The following DLC1 variants were observed in gnomAD, a reference collection of about 807,000 sequenced individuals.
DLC1 encodes DLC1 Rho GTPase activating protein.
In DLC1, 54 loss-of-function variants were observed where a neutral mutation model predicts 140.3. That is an observed-to-expected ratio of 0.38 (90% CI 0.31 to 0.48). DLC1 has a LOEUF of 0.48. Ranked by LOEUF, DLC1 falls within the 20% of genes least tolerant of loss-of-function variation. DLC1 has a pLI of 0.96. For missense variants in DLC1, 2,536 were observed against 1,907.0 expected (o/e 1.33, Z -6.14); for synonymous variants, 986 against 728.1 (o/e 1.35, Z -5.70).
chr8:13,112,499 A>T (rs1820199512), intron 6 of DLC1, among the ~76,000 whole-genome samples: 1 of 152,230 alleles, frequency 6.6e-6, no homozygotes, highest in Non-Finnish European at 1.5e-5. Flanking sequence ...TATAGTCCAG[A>T]GATTTATGAA....
At chr8:13,429,120 A>T (rs983891904) in intron 2 of DLC1, among the ~76,000 whole-genome samples, 2 of 152,196 alleles carry the variant, frequency 1.3e-5, no homozygotes, top group African/African-American at 4.8e-5. Context: ...TAAAATCTAC[A>T]TTCCTCAATG....
chr8:13,312,585 T>A (rs1378003921), intron 4 of DLC1, among the ~76,000 whole-genome samples: 3 of 151,968 alleles, frequency 2.0e-5, no homozygotes, highest in Non-Finnish European at 4.4e-5. Context: ...TAATAAATCA[T>A]GTCTTTCTCT....
At chr8:13,293,096 G>C (rs1472680200) in intron 5 of DLC1, among the ~76,000 whole-genome samples, 2 of 152,276 alleles carry the variant, frequency 1.3e-5, no homozygotes, top group South Asian at 4.1e-4. Context: ...TGGTCATGGT[G>C]GTGCATGCGT....
chr8:13,389,975 A>T (rs11989572), intron 4 of DLC1, among the ~76,000 whole-genome samples: 3,461 of 152,288 alleles, frequency 0.023, 120 homozygotes, highest in African/African-American at 0.078. Context: ...TAAAAAGAAC[A>T]GCTCTGTAGG....
intron 1 of DLC1, among the ~76,000 whole-genome samples, chr8:13,534,753 G>A (rs901466056): frequency 6.6e-6 from 1 of 152,144 alleles, no homozygotes; most frequent in Non-Finnish European, 1.5e-5. Context: ...TGAATCCACA[G>A]GACTGACACC....
At chr8:13,251,881 G>A (rs1830022962) in intron 5 of DLC1, among the ~76,000 whole-genome samples, 1 of 152,076 alleles carries the variant, frequency 6.6e-6, no homozygotes, top group African/African-American at 2.4e-5. Flanking sequence ...TGGGTCCAAA[G>A]TATTGAAACA....
chr8:13,572,107 T>TTC (rs397837978), intron 1 of DLC1, among the ~76,000 whole-genome samples: 62 of 150,410 alleles, frequency 4.1e-4, no homozygotes, highest in Middle Eastern at 6.8e-3. Context: ...TTTTTTTTTT[T>TTC]GAGATGGAGT....
rs1309439638 is a variant in DLC1, at chr8:13,303,542, C to T, written c.1348+1727G>A. ...ATATTTTCATGCCAGGTGCTCACAC[C>T]TGTAATCCCAGCACTTTGGGAGGCC... is the stretch of plus-strand genomic sequence containing the variant. On this transcript the variant is annotated intron_variant, in intron 5 of 17. Transcript: ENST00000276297. Among the ~76,000 whole-genome samples the T allele has an allele frequency of 2.6e-5, 4 of 152,174 alleles. No homozygotes were observed. In the East Asian group the frequency reaches 5.8e-4, roughly 22 times the overall value.
chr8:13,447,355 A>G (rs1006017262), intron 2 of DLC1, among the ~76,000 whole-genome samples: 1 of 152,184 alleles, frequency 6.6e-6, no homozygotes, highest in African/African-American at 2.4e-5. Context: ...TATGACACTA[A>G]CCTTTTGCGT....
intron 2 of DLC1, among the ~76,000 whole-genome samples, chr8:13,429,190 A>G (rs902625346): frequency 6.6e-6 from 1 of 152,220 alleles, no homozygotes; most frequent in Non-Finnish European, 1.5e-5. Flanking sequence ...CTTTTTAGCA[A>G]TACAGATCAT....
intron 5 of DLC1, among the ~76,000 whole-genome samples, chr8:13,196,365 C>A (rs1253240381): frequency 6.6e-6 from 1 of 152,114 alleles, no homozygotes; most frequent in East Asian, 1.9e-4. Flanking sequence ...ATTGCACATT[C>A]CTCTCAAACA....
At chr8:13,215,414 C>T (rs569466884) in intron 5 of DLC1, among the ~76,000 whole-genome samples, 6 of 152,124 alleles carry the variant, frequency 3.9e-5, no homozygotes, top group African/African-American at 1.4e-4. Context: ...GGTGAAACCC[C>T]ATCTCTACTA....
intron 5 of DLC1, among the ~76,000 whole-genome samples, chr8:13,175,622 C>G (rs75624250): frequency 0.011 from 1,701 of 152,160 alleles, 14 homozygotes; most frequent in Middle Eastern, 0.02. Context: ...AATCACTCAA[C>G]TTCTCTCAAT....
intron 5 of DLC1, among the ~76,000 whole-genome samples, chr8:13,183,283 A>T (rs977878109): frequency 6.6e-6 from 1 of 152,086 alleles, no homozygotes; most frequent in East Asian, 1.9e-4. Context: ...TGACTTCCTC[A>T]TTCCCTAATT....
intron 2 of DLC1, among the ~76,000 whole-genome samples, chr8:13,405,569 C>T (rs1036293663): frequency 6.6e-6 from 1 of 152,154 alleles, no homozygotes. Context: ...GAGCCTGGCT[C>T]TTCCCACTCC....
rs3816747 is a variant in DLC1 at position 13,499,293 on chromosome 8, G to A, written c.779C>T (p.Thr260Ile). 0.92 allele frequency: 1,477,774 copies of A among 1,614,014 alleles called. 680,659 individuals carry two copies. Among genetic ancestry groups the A allele is most frequent in the Non-Finnish European group, 0.94 (1,109,067 of 1,180,002 alleles). ...CNVVQNEFLD[T>I]PCTNRGLPLL... ...TGGCAGTCCTCTGTTTGTGCAAGGA[G>A]TATCCAAGAACTCATTTTGTACTAC... The change falls in exon 2 of 18, where the codon ACT becomes ATT. Residue 260 changes from threonine to isoleucine, a missense_variant. Thr to Ile is a moderately conservative substitution (Grantham distance 89). Transcript: ENST00000276297.
chr8:13,562,285 T>C (rs191082881), intron 1 of DLC1, among the ~76,000 whole-genome samples: 5 of 151,854 alleles, frequency 3.3e-5, no homozygotes, highest in Admixed American at 2.0e-4. Flanking sequence ...CATAGACAAA[T>C]AGACAAACTG....
At chr8:13,507,522 A>G (rs1563408463) in intron 1 of DLC1, among the ~76,000 whole-genome samples, 1 of 152,200 alleles carries the variant, frequency 6.6e-6, no homozygotes, top group Non-Finnish European at 1.5e-5. Flanking sequence ...AACATGATGC[A>G]AGAATTTACC....
intron 4 of DLC1, among the ~76,000 whole-genome samples, chr8:13,329,998 TC>T (rs1252716208): frequency 6.6e-6 from 1 of 152,178 alleles, no homozygotes; most frequent in African/African-American, 2.4e-5. Context: ...AGAATTTTGC[TC>T]TGTTACCCAG....
Sources: gnomAD v4.1 joint callset for allele counts (sites outside exome capture counted in the v4.1 genomes callset) on GRCh38, gnomAD v4.1.1 for gene constraint, MANE v1.5 for transcripts, NCBI Gene and HGNC (gene_info 2026-07-23, HGNC 2026-07-21) for gene names.